SLCO5A1: variants seen among roughly 807,000 people sequenced by gnomAD.
SLCO5A1 encodes organic anion transporter polypeptide-related protein 4.
Under a neutral mutation model 65.1 loss-of-function variants are expected in SLCO5A1, and 39 were observed. The observed-to-expected ratio is 0.60, with a 90% confidence interval of 0.46 to 0.78. The LOEUF is 0.78. Ranked by LOEUF, SLCO5A1 falls within the 30% of genes least tolerant of loss-of-function variation. SLCO5A1 has a pLI of 0.00. For synonymous variants in SLCO5A1, 438 were observed against 415.7 expected, an observed-to-expected ratio of 1.05 and a Z score of -0.65; for missense variants, 1,029 against 1,069.4, an observed-to-expected ratio of 0.96 and a Z score of 0.53.
intron 2 of SLCO5A1, among the ~76,000 whole-genome samples, chr8:69,772,145 G>A (rs1484783194): frequency 6.6e-6 from 1 of 152,172 alleles, no homozygotes; most frequent in Non-Finnish European, 1.5e-5. Context: ...AAACAGCGTT[G>A]TTCCATGGGA....
At position 69,833,186 on chromosome 8, in the gene SLCO5A1, G is replaced by C. The variant is rs554465538; in HGVS notation, c.-496-17C>G. The C allele has an allele frequency of 1.3e-4, 20 of 157,992 alleles. No homozygotes were observed. The South Asian group carries it at 3.5e-3, about 28-fold the overall frequency. 9.8% of individuals were successfully genotyped at this position (157,992 alleles called of 1,614,324 possible). A position where few individuals can be genotyped will look rare whatever the true frequency, so the allele number is the denominator to read the frequency against. ...GCTGCCGACCTGCAAAGCAGAAAGA[G>C]GGCGGTCAGCGAAGAGCGGCTGCGG... On this transcript the variant is annotated splice_polypyrimidine_tract_variant and intron_variant, in intron 1 of 9. Transcript: ENST00000260126.
intron 5 of SLCO5A1, chr8:69,719,865 C>G (rs1229682416): frequency 6.6e-6 from 1 of 152,198 alleles, no homozygotes; most frequent in Non-Finnish European, 1.5e-5. Flanking sequence ...TGCTTAAACT[C>G]GTTTTATTTG....
At chr8:69,808,482 T>C (rs1347637290) in intron 2 of SLCO5A1, among the ~76,000 whole-genome samples, 2 of 152,192 alleles carry the variant, frequency 1.3e-5, no homozygotes, top group Non-Finnish European at 2.9e-5. Flanking sequence ...TCCACGTTCC[T>C]GCAAAGGACA....
In SLCO5A1 at chr8:69,823,037, T is replaced by C. The variant is rs542205349; in HGVS notation, c.907+8730A>G. Among the ~76,000 whole-genome samples the C allele has an allele frequency of 5.3e-5, 8 of 152,334 alleles. No individual in the cohort carries two copies. The East Asian group carries it at 1.3e-3, about 26-fold the overall frequency. On this transcript the variant is annotated intron_variant, in intron 2 of 9. Coordinates refer to ENST00000260126, the MANE Select transcript of SLCO5A1 (RefSeq NM_030958.3). ...TCACCCAATCAGAGTTGTGGCTTTG[T>C]ATTCTAGATATGCATCCTTCTCTTC...
chr8:69,755,400 A>G (rs1307304604), intron 4 of SLCO5A1, 24 bp downstream of exon 4: 2 of 1,598,514 alleles, frequency 1.3e-6, no homozygotes, highest in Non-Finnish European at 1.7e-6. Flanking sequence ...CCATGCATGT[A>G]TTTATTCAAG....
chr8:69,717,137 C>T lies in SLCO5A1; in HGVS notation c.1424-11908G>A, dbSNP rs551755748. Reference sequence around the variant, plus strand: ...CAATAGTTTTACATTTTGACGAACTCCAACTCATCTATTTTTTCTTTGGTT... The same window carrying T: ...CAATAGTTTTACATTTTGACGAACTTCAACTCATCTATTTTTTCTTTGGTT... On this transcript the variant is annotated intron_variant, in intron 5 of 9. Coordinates refer to ENST00000260126, the MANE Select transcript of SLCO5A1 (RefSeq NM_030958.3). 2.0e-5 allele frequency among the ~76,000 whole-genome samples: 3 copies of T among 152,240 alleles called. No individual in the cohort carries two copies. In the South Asian group the frequency reaches 6.2e-4, roughly 32 times the overall value.
At chr8:69,830,879 A>G (rs1821123614) in intron 2 of SLCO5A1, among the ~76,000 whole-genome samples, 1 of 152,238 alleles carries the variant, frequency 6.6e-6, no homozygotes, top group Non-Finnish European at 1.5e-5. Flanking sequence ...TTTGACAGCA[A>G]TAAAAATAGC....
intron 2 of SLCO5A1, among the ~76,000 whole-genome samples, chr8:69,817,787 A>G (rs1448395315): frequency 4.6e-5 from 7 of 152,130 alleles, no homozygotes; most frequent in Non-Finnish European, 1.0e-4. Flanking sequence ...CTCCAAAACG[A>G]TTTTCAATAT....
chr8:69,832,510 C>T lies in SLCO5A1; in HGVS notation c.164G>A (p.Gly55Glu), dbSNP rs375156398. 1.4e-5 allele frequency: 22 copies of T among 1,609,370 alleles called. No homozygotes were observed. The highest frequency in any genetic ancestry group is 3.3e-4 in the Middle Eastern group (2 of 6,044). ...SCRPSLSPTS[G>E]DANPAFGCVD... ...ACAGCCAAAGGCCGGGTTGGCGTCT[C>T]CACTAGTGGGACTGAGGCTTGGCCG... The change falls in exon 2 of 10, where the codon GGA becomes GAA. Residue 55 changes from glycine to glutamate, a missense_variant. Gly to Glu is a moderately conservative substitution (Grantham distance 98, BLOSUM62 -2). Coordinates refer to ENST00000260126, the MANE Select transcript of SLCO5A1 (RefSeq NM_030958.3). The surrounding 1 kb of genome is among the most constrained non-coding windows in gnomAD (Gnocchi z 4.5).
chr8:69,687,068 C>T (rs1814033566), intron 6 of SLCO5A1, among the ~76,000 whole-genome samples: 1 of 152,102 alleles, frequency 6.6e-6, no homozygotes, highest in Admixed American at 6.5e-5. Context: ...TTAACAGAAG[C>T]ATGAATGAAT....
At chr8:69,673,505 G>A (rs576536878) in intron 9 of SLCO5A1, among the ~76,000 whole-genome samples, 179 bp from the exon 10 acceptor site, 1 of 152,158 alleles carries the variant, frequency 6.6e-6, no homozygotes, top group South Asian at 2.1e-4. Context: ...TATCATAAAA[G>A]CATTCACTAT....
At chr8:69,698,615 G>C (rs185507313) in intron 6 of SLCO5A1, among the ~76,000 whole-genome samples, 26 of 152,268 alleles carry the variant, frequency 1.7e-4, no homozygotes, top group Non-Finnish European at 3.1e-4. Flanking sequence ...TAGTGATGTT[G>C]AGCATTTTTT....
intron 2 of SLCO5A1, among the ~76,000 whole-genome samples, chr8:69,765,255 C>T (rs1818006418): frequency 6.6e-6 from 1 of 151,556 alleles, no homozygotes; most frequent in South Asian, 2.1e-4. Context: ...CACACATATA[C>T]AACTACATAT....
intron 4 of SLCO5A1, among the ~76,000 whole-genome samples, chr8:69,741,186 C>T (rs1246469151): frequency 1.3e-5 from 2 of 152,168 alleles, no homozygotes; most frequent in Non-Finnish European, 1.5e-5. Flanking sequence ...TGCTGCAGTG[C>T]TGTCTAGGGT....
intron 7 of SLCO5A1, among the ~76,000 whole-genome samples, chr8:69,681,863 C>T (rs953952255): frequency 1.3e-4 from 20 of 152,108 alleles, no homozygotes; most frequent in Non-Finnish European, 5.9e-5. Context: ...AAATCCATCA[C>T]AAGGGCCCTG....
At chr8:69,821,668 CAT>C (rs1820649832) in intron 2 of SLCO5A1, among the ~76,000 whole-genome samples, 2 of 151,728 alleles carry the variant, frequency 1.3e-5, no homozygotes, top group African/African-American at 4.8e-5. Context: ...ATTAGCCACA[CAT>C]GTGCACACTT....
chr8:69,772,582 A>T (rs867119213), intron 2 of SLCO5A1, among the ~76,000 whole-genome samples: 16 of 110,118 alleles, frequency 1.5e-4, no homozygotes, highest in African/African-American at 5.8e-4. Flanking sequence ...AGGAAAGGAA[A>T]GGAAAGGAAA....
chr8:69,729,376 G>A (rs1304755191), intron 5 of SLCO5A1, among the ~76,000 whole-genome samples: 2 of 145,048 alleles, frequency 1.4e-5, no homozygotes, highest in Non-Finnish European at 3.0e-5. Flanking sequence ...CCCGGGAGGC[G>A]GAACTTGCAG....
At chr8:69,805,887 G>A (rs1333954712) in intron 2 of SLCO5A1, among the ~76,000 whole-genome samples, 1 of 152,182 alleles carries the variant, frequency 6.6e-6, no homozygotes, top group Non-Finnish European at 1.5e-5. Context: ...CAGATGAGAA[G>A]CATAATTAAG....
Sources: gnomAD v4.1 joint callset for allele counts (sites outside exome capture counted in the v4.1 genomes callset) on GRCh38, gnomAD v4.1.1 for gene constraint, Gnocchi (gnomAD v3.1) non-coding constraint, MANE v1.5 for transcripts, NCBI Gene and HGNC (gene_info 2026-07-23, HGNC 2026-07-21) for gene names.